Variants in LMCD1 observed in about 807,000 individuals in gnomAD.
LMCD1 encodes LIM and cysteine rich domains 1.
Under a neutral mutation model 42.7 loss-of-function variants are expected in LMCD1, and 32 were observed. That is an observed-to-expected ratio of 0.75 (90% CI 0.57 to 1.01). The LOEUF (loss-of-function observed/expected upper bound fraction) is 1.01. LMCD1 is among the 50% of genes least tolerant of loss of function. LMCD1 has a pLI of 0.00. For synonymous variants in LMCD1, 178 were observed against 184.9 expected (o/e 0.96, Z 0.30); for missense variants, 458 against 483.1 (o/e 0.95, Z 0.49).
chr3:8,556,852 T>C (rs1431345237), intron 4 of LMCD1, among the ~76,000 whole-genome samples: 1 of 152,130 alleles, frequency 6.6e-6, no homozygotes, highest in Non-Finnish European at 1.5e-5. Context: ...GGAGGGAGAT[T>C]CAGTTAGAAA....
intron 1 of LMCD1, 59 bp downstream of exon 1, chr3:8,502,039 A>G: frequency 1.3e-6 from 2 of 1,507,654 alleles, no homozygotes; most frequent in Non-Finnish European, 1.8e-6. Flanking sequence ...TCCCCTTCCC[A>G]TCTGTTCGCG....
At chr3:8,534,349 CT>C in intron 2 of LMCD1, among the ~76,000 whole-genome samples, 1 of 152,154 alleles carries the variant, frequency 6.6e-6, no homozygotes, top group East Asian at 1.9e-4. Context: ...ATTCTGGACC[CT>C]ATTTTTCATG....
chr3:8,565,687 A>G, intron 5 of LMCD1, 40 bp downstream of exon 5: 1 of 1,530,686 alleles, frequency 6.5e-7, no homozygotes, highest in Non-Finnish European at 8.9e-7. Flanking sequence ...GGCTTGAGGG[A>G]CACTGCTGAG....
chr3:8,568,735 C>T lies in LMCD1; in HGVS notation c.*1137C>T, dbSNP rs1241830116. 1 of 152,208 alleles carries T rather than the reference C, an allele frequency of 6.6e-6. No homozygotes were observed. Among genetic ancestry groups the T allele is most frequent in the Non-Finnish European group, 1.5e-5 (1 of 68,022 alleles). The allele number at this position is 152,208 out of a possible 1,614,324, so 9.4% of individuals were successfully genotyped here. A position where few individuals can be genotyped will look rare whatever the true frequency, so the allele number is the denominator to read the frequency against. On this transcript the variant is annotated 3_prime_UTR_variant, in exon 6 of 6. Transcript: ENST00000157600. ...TTATGGTCTCTCTGAACATTTTCAG[C>T]TCTTAAATTAATTTCTTTCCCACAG...
At chr3:8,564,129 A>G (rs1033698245) in intron 4 of LMCD1, among the ~76,000 whole-genome samples, 2 of 152,236 alleles carry the variant, frequency 1.3e-5, no homozygotes, top group African/African-American at 4.8e-5. Flanking sequence ...TAGCATATCA[A>G]TATTGGTTAA....
At chr3:8,529,521 T>G (rs1376830995) in intron 1 of LMCD1, among the ~76,000 whole-genome samples, 1 of 152,164 alleles carries the variant, frequency 6.6e-6, no homozygotes, top group Non-Finnish European at 1.5e-5. Context: ...TTGTGCTTGT[T>G]GAGATTTTAA....
In LMCD1 at chr3:8,567,619, A is replaced by G. The variant is rs770681960; in HGVS notation, c.*21A>G. On this transcript the variant is annotated 3_prime_UTR_variant, in exon 6 of 6. Transcript: ENST00000157600. ...CCTGAAGGGCTGCCCACCCACAGCC[A>G]GAATCCACAGGATCCCACCGAGAAG... The G allele has an allele frequency of 3.1e-6, 5 of 1,604,732 alleles. No individual in the cohort carries two copies. The highest frequency in any genetic ancestry group is 8.5e-7 in the Non-Finnish European group (1 of 1,174,576).
At chr3:8,554,642 C>T (rs780175406) in intron 4 of LMCD1, among the ~76,000 whole-genome samples, 9 of 152,106 alleles carry the variant, frequency 5.9e-5, no homozygotes, top group Non-Finnish European at 1.2e-4. Flanking sequence ...GGGAGCCCCT[C>T]GCGCACTCTC....
chr3:8,557,665 T>C (rs1157719570), intron 4 of LMCD1, among the ~76,000 whole-genome samples: 1 of 152,236 alleles, frequency 6.6e-6, no homozygotes, highest in African/African-American at 2.4e-5. Context: ...AAACACTTTG[T>C]GTCTTGGTTA....
chr3:8,537,419 C>A lies in LMCD1; in HGVS notation c.366C>A (p.Pro122=). ...ACACCATCACCTACGAGTGGGCTCC[C>A]CCTGGAGTCACCCAGAAACTGGTAA... is the stretch of plus-strand genomic sequence containing the variant. ...TFDTITYEWA[P]PGVTQKLGLQ... Residue 122 remains proline (P), a synonymous_variant, in exon 3 of 6, where the codon CCC becomes CCA. Transcript: ENST00000157600. The A allele has an allele frequency of 6.3e-7, 1 of 1,593,090 alleles. No homozygotes were observed. The highest frequency in any genetic ancestry group is 1.1e-5 in the South Asian group (1 of 88,690).
At chr3:8,524,620 G>T (rs539723236) in intron 1 of LMCD1, among the ~76,000 whole-genome samples, 1 of 152,306 alleles carries the variant, frequency 6.6e-6, no homozygotes, top group South Asian at 2.1e-4. Flanking sequence ...CAGCCTTATT[G>T]AGGTATAACT....
intron 1 of LMCD1, among the ~76,000 whole-genome samples, chr3:8,505,158 G>A (rs1053039267): frequency 1.3e-5 from 2 of 152,206 alleles, no homozygotes; most frequent in Non-Finnish European, 2.9e-5. Context: ...ATGCGGAAAG[G>A]AATTTTCTGG....
At chr3:8,519,327 G>T (rs940165639) in intron 1 of LMCD1, among the ~76,000 whole-genome samples, 3 of 152,178 alleles carry the variant, frequency 2.0e-5, no homozygotes, top group African/African-American at 7.2e-5. Flanking sequence ...ACTGTATGTG[G>T]GCAGGCTCAG....
intron 3 of LMCD1, among the ~76,000 whole-genome samples, chr3:8,544,997 A>G (rs976242200): frequency 6.6e-6 from 1 of 152,232 alleles, no homozygotes; most frequent in African/African-American, 2.4e-5. Flanking sequence ...TTCAATAAAA[A>G]CAAATATATA....
chr3:8,563,497 C>G (rs561640632), intron 4 of LMCD1, among the ~76,000 whole-genome samples: 1 of 152,348 alleles, frequency 6.6e-6, no homozygotes, highest in East Asian at 1.9e-4. Flanking sequence ...CAAGCAGCCT[C>G]TCTCTGCCCT....
chr3:8,539,455 A>G (rs954026036), intron 3 of LMCD1, among the ~76,000 whole-genome samples: 5 of 152,174 alleles, frequency 3.3e-5, no homozygotes, highest in African/African-American at 1.2e-4. Flanking sequence ...CCACAGAACA[A>G]CAGCAGAGCC....
At chr3:8,502,372 T>TATATAATATATATTATATATAAA (rs1693769496) in intron 1 of LMCD1, among the ~76,000 whole-genome samples, 1 of 18,514 alleles carries the variant, frequency 5.4e-5, no homozygotes, top group African/African-American at 2.2e-4. Flanking sequence ...TTATATAAAA[T>TATATAATATATATTATATATAAA]ATATATAATA....
chr3:8,542,901 T>C (rs1694653477), intron 3 of LMCD1, among the ~76,000 whole-genome samples: 1 of 152,178 alleles, frequency 6.6e-6, no homozygotes, highest in Non-Finnish European at 1.5e-5. Flanking sequence ...GCCTGGATCA[T>C]AGCAAGCCCT....
Position 8,572,293 on chromosome 3 carries a change from A to G in LMCD1, c.*4695A>G, listed in dbSNP as rs1695231166. 6.6e-6 allele frequency: 1 copy of G among 152,254 alleles called. No homozygotes were observed. Among genetic ancestry groups the G allele is most frequent in the Admixed American group, 6.5e-5 (1 of 15,292 alleles). 9.4% of individuals were successfully genotyped at this position (152,254 alleles called of 1,614,324 possible). ...TTTTCTTTCTGTTGCATCCAATCAG[A>G]TGATACAGGATTTTGATTTGTTCCA... On this transcript the variant is annotated 3_prime_UTR_variant, in exon 6 of 6. Transcript: ENST00000157600.
Sources: gnomAD v4.1 joint callset for allele counts (sites outside exome capture counted in the v4.1 genomes callset) on GRCh38, gnomAD v4.1.1 for gene constraint, MANE v1.5 for transcripts, NCBI Gene and HGNC (gene_info 2026-07-23, HGNC 2026-07-21) for gene names.